The following SPMIP2 variants were observed in gnomAD, a reference collection of about 807,000 sequenced individuals.
SPMIP2 encodes the protein protein SPMIP2.
At chr4:159,076,069 T>C in the SPMIP2 span, among the ~76,000 whole-genome samples, 1 of 152,120 alleles carries the variant, frequency 6.6e-6, no homozygotes, top group African/African-American at 2.4e-5. Context: ...TAGGGTACTG[T>C]GTACTATGTG....
At chr4:158,928,976 G>A in the SPMIP2 span, among the ~76,000 whole-genome samples, 7 of 152,238 alleles carry the variant, frequency 4.6e-5, no homozygotes, top group East Asian at 7.7e-4. Flanking sequence ...CTCCAGACGC[G>A]CCACCTTAAG....
chr4:159,044,397 A>G, the SPMIP2 span, among the ~76,000 whole-genome samples: 1 of 151,604 alleles, frequency 6.6e-6, no homozygotes, highest in African/African-American at 2.4e-5. Flanking sequence ...AAAGAGAGAA[A>G]GAAAAAGAAA....
chr4:158,984,467 G>A, the SPMIP2 span, among the ~76,000 whole-genome samples: 3 of 150,888 alleles, frequency 2.0e-5, no homozygotes, highest in Non-Finnish European at 4.4e-5. Flanking sequence ...TAGAACTCAG[G>A]ATTAAGAAAC....
the SPMIP2 span, among the ~76,000 whole-genome samples, chr4:159,046,762 G>A: frequency 4.9e-4 from 74 of 152,248 alleles, no homozygotes; most frequent in African/African-American, 1.5e-3. Flanking sequence ...TAGAAGAGAC[G>A]GGCTTTCACC....
At chr4:158,987,550 G>A in the SPMIP2 span, among the ~76,000 whole-genome samples, 204 of 152,158 alleles carry the variant, frequency 1.3e-3, no homozygotes, top group Middle Eastern at 3.4e-3. Context: ...AACACCGCAT[G>A]TTCTCACTCA....
chr4:158,935,671 C>T, the SPMIP2 span, among the ~76,000 whole-genome samples: 30 of 152,160 alleles, frequency 2.0e-4, no homozygotes, highest in Non-Finnish European at 3.2e-4. Context: ...TTAAATTTTC[C>T]TTAAACATTG....
At chr4:159,022,173 A>G in the SPMIP2 span, among the ~76,000 whole-genome samples, 1 of 152,214 alleles carries the variant, frequency 6.6e-6, no homozygotes, top group Non-Finnish European at 1.5e-5. Flanking sequence ...CAATGAACAC[A>G]GAATTTATGT....
chr4:158,980,487 G>A, the SPMIP2 span, among the ~76,000 whole-genome samples: 3 of 152,218 alleles, frequency 2.0e-5, no homozygotes, highest in African/African-American at 7.2e-5. Flanking sequence ...GCCCCTCTGG[G>A]ACAAAGCTTA....
chr4:158,899,288 G>C, the SPMIP2 span, among the ~76,000 whole-genome samples: 2 of 152,188 alleles, frequency 1.3e-5, no homozygotes, highest in African/African-American at 4.8e-5. Context: ...ATGTTCATCA[G>C]GGATATTGGC....
At chr4:158,996,982 T>C in the SPMIP2 span, among the ~76,000 whole-genome samples, 15 of 152,104 alleles carry the variant, frequency 9.9e-5, no homozygotes, top group African/African-American at 3.1e-4. Flanking sequence ...AAATGGAAGC[T>C]CTCTGGAAAG....
At chr4:158,985,913 G>T in the SPMIP2 span, among the ~76,000 whole-genome samples, 1 of 151,032 alleles carries the variant, frequency 6.6e-6, no homozygotes, top group African/African-American at 2.4e-5. Flanking sequence ...ATCTCCTTAA[G>T]CTGATAAGCA....
the SPMIP2 span, among the ~76,000 whole-genome samples, chr4:159,066,582 G>A: frequency 8.0e-6 from 1 of 125,398 alleles, no homozygotes; most frequent in Non-Finnish European, 1.7e-5. Flanking sequence ...ACATACGTGT[G>A]TGTATTTTAT....
the SPMIP2 span, chr4:158,960,193 G>C: frequency 3.9e-5 from 29 of 746,300 alleles, no homozygotes; most frequent in South Asian, 4.5e-4. Context: ...AAAAGAAAGT[G>C]TTAATATACT....
At chr4:158,944,143 C>T in the SPMIP2 span, among the ~76,000 whole-genome samples, 2 of 151,968 alleles carry the variant, frequency 1.3e-5, no homozygotes, top group African/African-American at 4.8e-5. Flanking sequence ...TGTGAGCCAA[C>T]GCACCTGGCC....
the SPMIP2 span, among the ~76,000 whole-genome samples, chr4:159,063,504 C>T: frequency 1.3e-5 from 2 of 151,938 alleles, no homozygotes; most frequent in African/African-American, 2.4e-5. Flanking sequence ...GAGCTGAAAT[C>T]GTGCCACTGC....
the SPMIP2 span, among the ~76,000 whole-genome samples, chr4:158,956,547 AG>A: frequency 6.6e-6 from 1 of 152,052 alleles, no homozygotes; most frequent in South Asian, 2.1e-4. Context: ...TCGGCAACAG[AG>A]CAAAACTCTG....
chr4:159,004,308 T>TTTTTTTTG, the SPMIP2 span, among the ~76,000 whole-genome samples: 1 of 146,246 alleles, frequency 6.8e-6, no homozygotes, highest in African/African-American at 2.6e-5. Context: ...TTTTTTTTTT[T>TTTTTTTTG]GAGATGGATT....
chr4:159,026,601 C>G, the SPMIP2 span: 3 of 359,166 alleles, frequency 8.4e-6, no homozygotes, highest in Non-Finnish European at 1.5e-5. Flanking sequence ...AATCTCCATA[C>G]TGCTTCTTTT....
chr4:158,924,859 G>T, the SPMIP2 span, among the ~76,000 whole-genome samples: 1 of 152,242 alleles, frequency 6.6e-6, no homozygotes, highest in East Asian at 1.9e-4. Context: ...ATATTACATT[G>T]ATTGATTTCC....
Sources: allele counts gnomAD v4.1 joint callset (sites outside exome capture counted in the v4.1 genomes callset), GRCh38; gene constraint gnomAD v4.1.1; transcripts MANE v1.5; gene names NCBI Gene and HGNC (gene_info 2026-07-23, HGNC 2026-07-21).